INTS4: variants seen among roughly 807,000 people sequenced by gnomAD.
INTS4 encodes the protein MSTP093.
A neutral mutation model predicts 119.5 loss-of-function variants in INTS4; 70 were observed. The observed-to-expected ratio is 0.59, with a 90% CI of 0.48 to 0.71. The LOEUF (loss-of-function observed/expected upper bound fraction) is 0.71. Ranked by LOEUF, INTS4 falls within the 30% of genes least tolerant of loss-of-function variation. The pLI, the probability that INTS4 is intolerant of heterozygous loss-of-function variation, is 0.00. For synonymous variants in INTS4, 316 were observed against 419.6 expected (o/e 0.75, Z 3.02); for missense variants, 867 against 1,173.2 (o/e 0.74, Z 3.81).
intron 21 of INTS4, 112 bp from the exon 22 acceptor site, chr11:77,884,064 T>A: frequency 1.8e-6 from 2 of 1,090,766 alleles, no homozygotes. Context: ...GACACCAACT[T>A]TACTAAGATT....
Position 77,901,513 on chromosome 11 carries a change from A to C in INTS4, c.2136T>G (p.Ser712Arg), listed in dbSNP as rs746227521. The C allele has an allele frequency of 6.2e-7, 1 of 1,611,918 alleles. No individual in the cohort carries two copies. Among genetic ancestry groups the C allele is most frequent in the Admixed American group, 1.7e-5 (1 of 60,002 alleles). ...EETYKMEFMY[S>R]GVENKQVVII... ...TCACCACCTGCTTATTCTCCACACC[A>C]CTGTACATGAATTCCATTTTGTAGG... The change falls in exon 18 of 23, where the codon AGT (serine) becomes AGG (arginine). Residue 712 changes from serine (S) to arginine (R), a missense_variant. Ser to Arg is a moderately radical substitution (Grantham distance 110). Around this residue, in one of 5 missense-constraint regions of INTS4, gnomAD observed 262 missense variants for 376.0 expected, o/e 0.70. Transcript: ENST00000534064.
chr11:77,982,515 G>A (rs896108872), intron 2 of INTS4, among the ~76,000 whole-genome samples: 2 of 152,062 alleles, frequency 1.3e-5, no homozygotes, highest in Non-Finnish European at 2.9e-5. Context: ...TGTAAGTCTT[G>A]TGCCTGGGCC....
chr11:77,930,385 C>T (rs1953617130), intron 10 of INTS4, among the ~76,000 whole-genome samples: 1 of 152,158 alleles, frequency 6.6e-6, no homozygotes, highest in African/African-American at 2.4e-5. Flanking sequence ...ATTTTCTTCA[C>T]TTCACAATAA....
intron 18 of INTS4, among the ~76,000 whole-genome samples, chr11:77,895,014 C>T (rs771594446): frequency 1.3e-5 from 2 of 152,134 alleles, no homozygotes; most frequent in Non-Finnish European, 2.9e-5. Flanking sequence ...AATTCCTGTG[C>T]AAGAGGGGAA....
chr11:77,911,068 C>T (rs1953078667), intron 15 of INTS4: 1 of 1,288,114 alleles, frequency 7.8e-7, no homozygotes, highest in Non-Finnish European at 1.0e-6. Context: ...TGGACTATGA[C>T]ACTTCCTCCC....
At chr11:77,925,087 C>T (rs1181207990) in intron 11 of INTS4, among the ~76,000 whole-genome samples, 195 bp from the exon 12 acceptor site, 1 of 152,054 alleles carries the variant, frequency 6.6e-6, no homozygotes, top group Non-Finnish European at 1.5e-5. Flanking sequence ...AGCTTTATCC[C>T]CTTTGTTCTT....
At chr11:77,952,461 T>C (rs1451305922) in intron 8 of INTS4, among the ~76,000 whole-genome samples, 6 of 152,224 alleles carry the variant, frequency 3.9e-5, no homozygotes, top group Non-Finnish European at 8.8e-5. Flanking sequence ...GAGTTAGGCA[T>C]GTGTGCTTGT....
chr11:77,955,713 C>T (rs1257897289), intron 8 of INTS4, among the ~76,000 whole-genome samples: 1 of 152,118 alleles, frequency 6.6e-6, no homozygotes, highest in East Asian at 1.9e-4. Context: ...CCAGGATGGT[C>T]TCAATCTCCT....
At chr11:77,956,485 T>C (rs1271251522) in intron 7 of INTS4, among the ~76,000 whole-genome samples, 1 of 152,086 alleles carries the variant, frequency 6.6e-6, no homozygotes, top group Admixed American at 6.5e-5. Flanking sequence ...GGCAGGTGGA[T>C]AACTTGAGGT....
At chr11:77,920,821 C>A (rs1953342104) in intron 14 of INTS4, among the ~76,000 whole-genome samples, 1 of 151,772 alleles carries the variant, frequency 6.6e-6, no homozygotes, top group South Asian at 2.1e-4. Flanking sequence ...CACTGCACTT[C>A]AGCCTGGGCG....
At chr11:77,945,957 A>G (rs1437169154) in intron 8 of INTS4, among the ~76,000 whole-genome samples, 1 of 152,186 alleles carries the variant, frequency 6.6e-6, no homozygotes, top group Non-Finnish European at 1.5e-5. Context: ...GCAACAGCCA[A>G]CCAGGCAGTA....
Position 77,979,461 on chromosome 11 carries a change from C to T in INTS4, c.365-359G>A, listed in dbSNP as rs138803349. On this transcript the variant is annotated intron_variant, in intron 3 of 22. Coordinates refer to ENST00000534064, the MANE Select transcript of INTS4 (RefSeq NM_033547.4). ...CAGCACTCCAGCCTGGGCAACAGAG[C>T]GAGACCCAGTCCTAAAAAAACAGAA... Among the ~76,000 whole-genome samples, 21 of 151,722 alleles carry T rather than the reference C, an allele frequency of 1.4e-4. 1 individual carries two copies. The highest frequency in any genetic ancestry group is 6.2e-4 in the South Asian group (3 of 4,802).
At chr11:77,963,385 T>G in intron 4 of INTS4, 1 of 327,572 alleles carries the variant, frequency 3.1e-6, no homozygotes, top group South Asian at 2.3e-5. Context: ...CAAAAAAAAC[T>G]GCTTTTCTTT....
chr11:77,990,596 G>A (rs1049267577), intron 2 of INTS4, among the ~76,000 whole-genome samples: 1 of 146,714 alleles, frequency 6.8e-6, no homozygotes, highest in Admixed American at 7.1e-5. Context: ...TGAGGCAGGA[G>A]AATCGCTTGA....
intron 11 of INTS4, among the ~76,000 whole-genome samples, chr11:77,928,093 C>T (rs1953553116): frequency 6.6e-6 from 1 of 152,170 alleles, no homozygotes; most frequent in Non-Finnish European, 1.5e-5. Context: ...CCAACCTCAC[C>T]TCAGCCAATT....
At chr11:77,986,241 G>T (rs553599567) in intron 2 of INTS4, among the ~76,000 whole-genome samples, 1 of 152,322 alleles carries the variant, frequency 6.6e-6, no homozygotes, top group South Asian at 2.1e-4. Flanking sequence ...ATGAAAAAAT[G>T]CTCACCATCA....
Position 77,891,299 on chromosome 11 carries a change from A to G in INTS4, c.2592+20T>C, listed in dbSNP as rs1311169796. ...ACAATGTCAGTCTAGAAGCTCCATG[A>G]GGACCCAAACCCGACAGACCTGGAC... On this transcript the variant is annotated intron_variant, in intron 21 of 22. Transcript: ENST00000534064. 2.5e-6 allele frequency: 4 copies of G among 1,606,840 alleles called. No individual in the cohort carries two copies. The highest frequency in any genetic ancestry group is 3.4e-5 in the Admixed American group (2 of 59,448).
Position 77,900,457 on chromosome 11 carries a change from T to C in INTS4, c.2228+964A>G, listed in dbSNP as rs542899548. The stretch of plus-strand genomic sequence containing the variant: ...TGACTTTATGAGGTCACTATCAAGA[T>C]ACGTGAAGAAATAAAATATTTTATT... On this transcript the variant is annotated intron_variant, in intron 18 of 22. Coordinates refer to ENST00000534064, the MANE Select transcript of INTS4 (RefSeq NM_033547.4). The C allele has an allele frequency of 1.4e-5, 8 of 552,334 alleles. No individual in the cohort carries two copies. In the East Asian group the frequency reaches 1.5e-4, roughly 10 times the overall value. The allele number at this position is 552,334 out of a possible 1,614,324, so 34.2% of individuals were successfully genotyped here. A position where few individuals can be genotyped will look rare whatever the true frequency, so the allele number is the denominator to read the frequency against.
Position 77,883,909 on chromosome 11 carries a change from G to A in INTS4, c.2636C>T (p.Pro879Leu). Residue 879 changes from proline to leucine, a missense_variant, in exon 22 of 23, where the codon CCT (proline) becomes CTT (leucine). Pro to Leu is a moderately conservative substitution (Grantham distance 98, BLOSUM62 -3). Around this residue, in one of 5 missense-constraint regions of INTS4, gnomAD observed 122 missense variants for 133.2 expected, o/e 0.92. Transcript: ENST00000534064. ...TGGGCCAGGATTCCGGAAGTCTGCA[G>A]GCTTGGGGTGAATCATCTGAGCCTG... ...DGQAQMIHPK[P>L]ADFRNPGPGR... 6.2e-7 allele frequency: 1 copy of A among 1,613,334 alleles called. No individual in the cohort carries two copies. The highest frequency in any genetic ancestry group is 8.5e-7 in the Non-Finnish European group (1 of 1,179,652).
Sources: gnomAD v4.1 joint callset for allele counts (sites outside exome capture counted in the v4.1 genomes callset) on GRCh38, gnomAD v4.1.1 for gene constraint, gnomAD v4.1.1 regional missense constraint, MANE v1.5 for transcripts, NCBI Gene and HGNC (gene_info 2026-07-23, HGNC 2026-07-21) for gene names.